The following KHDRBS2 variants were observed in gnomAD, a reference collection of about 807,000 sequenced individuals.
The protein encoded by KHDRBS2 is KH domain-containing, RNA-binding, signal transduction-associated protein 2.
In KHDRBS2, 26 loss-of-function variants were observed where a neutral mutation model predicts 44.3. The ratio of observed to expected loss-of-function variants is 0.59; its 90% confidence interval spans 0.43 to 0.81. The LOEUF (loss-of-function observed/expected upper bound fraction) is 0.81. Ranked by LOEUF, KHDRBS2 falls within the 40% of genes least tolerant of loss-of-function variation. The pLI is 0.00. For missense variants in KHDRBS2, 476 were observed against 433.1 expected (o/e 1.10, Z -0.88); for synonymous variants, 194 against 151.1 (o/e 1.28, Z -2.08).
chr6:61,751,943 C>CTGTGTG (rs70993181), intron 6 of KHDRBS2, among the ~76,000 whole-genome samples: 5 of 150,906 alleles, frequency 3.3e-5, no homozygotes, highest in South Asian at 2.1e-4. Context: ...ACACACTTCT[C>CTGTGTG]TGTGTGTGTG....
At chr6:62,105,659 C>A in intron 2 of KHDRBS2, among the ~76,000 whole-genome samples, 1 of 151,986 alleles carries the variant, frequency 6.6e-6, no homozygotes, top group South Asian at 2.1e-4. Flanking sequence ...CTATTTGATT[C>A]TTCTCTCTTT....
intron 6 of KHDRBS2, among the ~76,000 whole-genome samples, chr6:61,803,321 G>A (rs1786589034): frequency 6.6e-6 from 1 of 152,146 alleles, no homozygotes; most frequent in Non-Finnish European, 1.5e-5. Context: ...ACTGTTCAGA[G>A]AGGGACTGAA....
the KHDRBS2 span, among the ~76,000 whole-genome samples, chr6:61,652,735 C>T: frequency 6.6e-6 from 1 of 151,992 alleles, no homozygotes; most frequent in Admixed American, 6.6e-5. Flanking sequence ...AGGAACCACC[C>T]AGAGCTGTGT....
At chr6:61,926,593 G>A (rs1335488372) in intron 4 of KHDRBS2, among the ~76,000 whole-genome samples, 4 of 152,096 alleles carry the variant, frequency 2.6e-5, no homozygotes, top group African/African-American at 9.7e-5. Context: ...AGCACTCAAG[G>A]GGCTGCAGCA....
chr6:61,807,947 A>G (rs1787434666), intron 6 of KHDRBS2, among the ~76,000 whole-genome samples: 1 of 152,100 alleles, frequency 6.6e-6, no homozygotes, highest in African/African-American at 2.4e-5. Flanking sequence ...ACTGGATAAC[A>G]ATATTAAATC....
chr6:61,655,547 G>A, the KHDRBS2 span, among the ~76,000 whole-genome samples: 1 of 152,066 alleles, frequency 6.6e-6, no homozygotes, highest in African/African-American at 2.4e-5. Flanking sequence ...GAGCCAATGT[G>A]CTTTGCCTAA....
chr6:61,584,345 A>C, the KHDRBS2 span, among the ~76,000 whole-genome samples: 2 of 151,802 alleles, frequency 1.3e-5, no homozygotes, highest in Non-Finnish European at 3.0e-5. Context: ...CATTAGCTCT[A>C]AGTTTTTCAT....
chr6:62,045,072 G>A (rs1391180856), intron 3 of KHDRBS2, among the ~76,000 whole-genome samples: 2 of 151,910 alleles, frequency 1.3e-5, no homozygotes, highest in African/African-American at 4.8e-5. Context: ...GGTGCTATAA[G>A]AACATGAAGG....
chr6:61,942,835 T>C (rs1812397526), intron 4 of KHDRBS2, among the ~76,000 whole-genome samples: 1 of 151,930 alleles, frequency 6.6e-6, no homozygotes, highest in Admixed American at 6.6e-5. Flanking sequence ...TAAAAGCATT[T>C]AGTTACCTAT....
intron 4 of KHDRBS2, among the ~76,000 whole-genome samples, chr6:61,924,461 C>CTTATTGT (rs1808602045): frequency 6.6e-6 from 1 of 151,926 alleles, no homozygotes; most frequent in Non-Finnish European, 1.5e-5. Flanking sequence ...AATCAGGTTA[C>CTTATTGT]AATAAGTCAA....
At chr6:61,598,194 T>C in the KHDRBS2 span, among the ~76,000 whole-genome samples, 2 of 151,104 alleles carry the variant, frequency 1.3e-5, 1 homozygote, top group Non-Finnish European at 3.0e-5. Flanking sequence ...TCAGGCTCAA[T>C]ATAGGAAACA....
chr6:62,217,912 C>T (rs1830287503), intron 1 of KHDRBS2, among the ~76,000 whole-genome samples: 1 of 151,702 alleles, frequency 6.6e-6, no homozygotes, highest in Non-Finnish European at 1.5e-5. Context: ...ATAATTTGAA[C>T]CAATCCTTCA....
chr6:62,046,055 A>C (rs746986070), intron 3 of KHDRBS2, among the ~76,000 whole-genome samples: 2 of 151,676 alleles, frequency 1.3e-5, no homozygotes, highest in Non-Finnish European at 1.5e-5. Flanking sequence ...TATTTTATTT[A>C]ATTTGGTAAA....
chr6:61,611,610 CTAGT>C, the KHDRBS2 span, among the ~76,000 whole-genome samples: 1 of 152,168 alleles, frequency 6.6e-6, no homozygotes, highest in Admixed American at 6.5e-5. Flanking sequence ...TGGAATTCAT[CTAGT>C]TAGTGAGTCC....
chr6:62,051,058 T>G (rs1369883167), intron 2 of KHDRBS2, among the ~76,000 whole-genome samples: 1 of 151,934 alleles, frequency 6.6e-6, no homozygotes, highest in Non-Finnish European at 1.5e-5. Flanking sequence ...GCAGCAAAAA[T>G]AATATATGGT....
intron 2 of KHDRBS2, among the ~76,000 whole-genome samples, chr6:62,155,762 T>A (rs1416857382): frequency 6.6e-6 from 1 of 152,212 alleles, no homozygotes; most frequent in East Asian, 1.9e-4. Flanking sequence ...TATTCCCATA[T>A]CCGTTTTCCA....
chr6:61,776,579 C>T (rs1782053292), intron 6 of KHDRBS2, among the ~76,000 whole-genome samples: 1 of 152,084 alleles, frequency 6.6e-6, no homozygotes, highest in African/African-American at 2.4e-5. Context: ...AAATCAAAAC[C>T]ATAATGAGAT....
chr6:61,666,392 T>C, the KHDRBS2 span, among the ~76,000 whole-genome samples: 7 of 151,472 alleles, frequency 4.6e-5, no homozygotes, highest in African/African-American at 1.7e-4. Flanking sequence ...ATTTACACTG[T>C]GTTTCTAGAC....
At chr6:62,111,369 A>T (rs563341902) in intron 2 of KHDRBS2, among the ~76,000 whole-genome samples, 33 of 152,190 alleles carry the variant, frequency 2.2e-4, no homozygotes, top group Non-Finnish European at 4.4e-4. Flanking sequence ...TCATTCATTC[A>T]CTCAACAAGT....
Sources: allele counts gnomAD v4.1 joint callset (sites outside exome capture counted in the v4.1 genomes callset), GRCh38; gene constraint gnomAD v4.1.1; transcripts MANE v1.5; gene names NCBI Gene and HGNC (gene_info 2026-07-23, HGNC 2026-07-21).